Variants in RTN3 observed in about 807,000 individuals in gnomAD.
RTN3 encodes reticulon-3.
A neutral mutation model predicts 77.8 loss-of-function variants in RTN3; 49 were observed. That is an observed-to-expected ratio of 0.63 (90% CI 0.50 to 0.80). The LOEUF (loss-of-function observed/expected upper bound fraction) is 0.80. Ranked by LOEUF, RTN3 falls within the 30% of genes least tolerant of loss-of-function variation. The pLI, the probability that RTN3 is intolerant of heterozygous loss-of-function variation, is 0.00. For missense variants in RTN3, 1,236 were observed against 1,211.9 expected (o/e 1.02, Z -0.29); for synonymous variants, 464 against 446.9 (o/e 1.04, Z -0.48).
At chr11:63,752,695 G>C in intron 5 of RTN3, 50 bp downstream of exon 5, 1 of 1,587,550 alleles carries the variant, frequency 6.3e-7, no homozygotes, top group Non-Finnish European at 8.6e-7. Flanking sequence ...AGCAGGGACT[G>C]GGTTATAATT....
intron 3 of RTN3, among the ~76,000 whole-genome samples, chr11:63,745,706 AC>A (rs1317961114): frequency 6.6e-6 from 1 of 152,216 alleles, no homozygotes; most frequent in African/African-American, 2.4e-5. Context: ...ATCTAGGGGC[AC>A]TGTTTACACT....
intron 2 of RTN3, among the ~76,000 whole-genome samples, chr11:63,710,471 G>GT (rs200332034): frequency 1.3e-5 from 2 of 151,908 alleles, no homozygotes; most frequent in African/African-American, 2.4e-5. Context: ...AGTCAGATGT[G>GT]TTTTTTTCCT....
Position 63,758,233 on chromosome 11 carries a change from A to G in RTN3, c.*32A>G. Reference sequence around the variant, plus strand: ...GGAAACCAGAAATGCAACAGTTACTAAAACACCATTTAATAGTTATAACGT... The same window carrying G: ...GGAAACCAGAAATGCAACAGTTACTGAAACACCATTTAATAGTTATAACGT... On this transcript the variant is annotated 3_prime_UTR_variant, in exon 9 of 9. Coordinates refer to ENST00000377819, the MANE Select transcript of RTN3 (RefSeq NM_001265589.2). The G allele has an allele frequency of 6.2e-7, 1 of 1,613,882 alleles. No individual in the cohort carries two copies. The highest frequency in any genetic ancestry group is 8.5e-7 in the Non-Finnish European group (1 of 1,179,918).
chr11:63,721,106 A>G, intron 3 of RTN3, 74 bp downstream of exon 3: 2 of 1,336,054 alleles, frequency 1.5e-6, no homozygotes, highest in Admixed American at 4.5e-5. Flanking sequence ...CATTTATGTT[A>G]GTCTGATTTA....
intron 1 of RTN3, among the ~76,000 whole-genome samples, chr11:63,687,323 TAAACAC>T (rs1225065186): frequency 6.6e-6 from 1 of 152,100 alleles, no homozygotes; most frequent in African/African-American, 2.4e-5. Flanking sequence ...GTATGAAAAT[TAAACAC>T]AATTTGGCTG....
At chr11:63,696,736 GGGTTTCACCAT>G (rs1941964115) in intron 1 of RTN3, among the ~76,000 whole-genome samples, 1 of 150,878 alleles carries the variant, frequency 6.6e-6, no homozygotes. Flanking sequence ...AGTAGAGACA[GGGTTTCACCAT>G]GGTTGGCCAG....
chr11:63,693,671 A>T (rs1941784250), intron 1 of RTN3, among the ~76,000 whole-genome samples: 1 of 152,204 alleles, frequency 6.6e-6, no homozygotes, highest in Non-Finnish European at 1.5e-5. Flanking sequence ...CTGAGGAGAG[A>T]GTTTTCCTGT....
At chr11:63,749,638 T>C (rs1156736782) in intron 3 of RTN3, among the ~76,000 whole-genome samples, 1 of 152,232 alleles carries the variant, frequency 6.6e-6, no homozygotes, top group East Asian at 1.9e-4. Flanking sequence ...TCTTAAATTT[T>C]TATAATCCTA....
At chr11:63,683,157 A>T (rs957083902) in intron 1 of RTN3, among the ~76,000 whole-genome samples, 1 of 152,118 alleles carries the variant, frequency 6.6e-6, no homozygotes, top group African/African-American at 2.4e-5. Context: ...CAGTGTGGTT[A>T]TGGCCATTTC....
chr11:63,718,664 C>G, intron 2 of RTN3, 38 bp from the exon 3 acceptor site: 2 of 1,487,306 alleles, frequency 1.3e-6, no homozygotes, highest in Non-Finnish European at 1.8e-6. Flanking sequence ...GTAATTGTAC[C>G]TGGTAAACAA....
At chr11:63,690,451 C>T (rs914292262) in intron 1 of RTN3, among the ~76,000 whole-genome samples, 1 of 152,108 alleles carries the variant, frequency 6.6e-6, no homozygotes, top group African/African-American at 2.4e-5. Flanking sequence ...GATCATTCCT[C>T]TAGAGGCCAT....
intron 1 of RTN3, among the ~76,000 whole-genome samples, chr11:63,699,702 C>G (rs1033467196): frequency 6.6e-6 from 1 of 152,170 alleles, no homozygotes; most frequent in African/African-American, 2.4e-5. Context: ...CCTTGTTCAC[C>G]TCATGAACTT....
intron 2 of RTN3, among the ~76,000 whole-genome samples, chr11:63,713,395 G>A (rs770033661): frequency 2.0e-5 from 3 of 151,864 alleles, no homozygotes; most frequent in Non-Finnish European, 4.4e-5. Flanking sequence ...CTGCAGCCTC[G>A]ACCTCCTGGG....
At chr11:63,699,698 T>G (rs547148569) in intron 1 of RTN3, among the ~76,000 whole-genome samples, 6 of 152,336 alleles carry the variant, frequency 3.9e-5, no homozygotes, top group African/African-American at 1.4e-4. Flanking sequence ...CCTTCCTTGT[T>G]CACCTCATGA....
At chr11:63,725,594 G>T (rs990725220) in intron 3 of RTN3, among the ~76,000 whole-genome samples, 62 of 152,076 alleles carry the variant, frequency 4.1e-4, no homozygotes, top group African/African-American at 1.4e-3. Context: ...GACTACAGGC[G>T]CCTGCTACCA....
At chr11:63,735,555 T>TCTCTCTCTCTCTCTCC (rs2013040967) in intron 3 of RTN3, among the ~76,000 whole-genome samples, 1 of 121,540 alleles carries the variant, frequency 8.2e-6, no homozygotes. Flanking sequence ...AACATTTCTC[T>TCTCTCTCTCTCTCTCC]CTCTCTCTCT....
chr11:63,727,353 C>T (rs1307439983), intron 3 of RTN3, among the ~76,000 whole-genome samples: 2 of 152,114 alleles, frequency 1.3e-5, no homozygotes, highest in African/African-American at 4.8e-5. Flanking sequence ...TCGATAGAAA[C>T]TAACTGCATG....
At chr11:63,741,873 A>G (rs1053376135) in intron 3 of RTN3, among the ~76,000 whole-genome samples, 32 of 151,664 alleles carry the variant, frequency 2.1e-4, no homozygotes, top group African/African-American at 7.5e-4. Flanking sequence ...CTATTGCTCT[A>G]TTATCTTTCG....
intron 3 of RTN3, among the ~76,000 whole-genome samples, chr11:63,735,550 T>TC (rs2013032879): frequency 2.3e-5 from 1 of 42,686 alleles, no homozygotes; most frequent in Non-Finnish European, 4.2e-5. Flanking sequence ...ATTCTAACAT[T>TC]TCTCTCTCTC....
Sources: gnomAD v4.1 joint callset for allele counts (sites outside exome capture counted in the v4.1 genomes callset) on GRCh38, gnomAD v4.1.1 for gene constraint, MANE v1.5 for transcripts, NCBI Gene and HGNC (gene_info 2026-07-23, HGNC 2026-07-21) for gene names.